The following AHCTF1 variants were observed in gnomAD, a reference collection of about 807,000 sequenced individuals.
AHCTF1 encodes AT-hook containing transcription factor 1.
A neutral mutation model predicts 248.4 loss-of-function variants in AHCTF1; 24 were observed. The observed-to-expected ratio is 0.10, with a 90% CI of 0.07 to 0.14. AHCTF1 has a LOEUF of 0.14. Among genes scored for constraint, AHCTF1 ranks in the 10% least tolerant of loss-of-function variants. The pLI is 1.00. For missense variants in AHCTF1, 2,206 were observed against 2,636.2 expected, an observed-to-expected ratio of 0.84 and a Z score of 3.57; for synonymous variants, 786 against 929.8, an observed-to-expected ratio of 0.85 and a Z score of 2.81.
At chr1:246,915,644 T>G (rs951141606) in intron 3 of AHCTF1, among the ~76,000 whole-genome samples, 1 of 152,254 alleles carries the variant, frequency 6.6e-6, no homozygotes, top group African/African-American at 2.4e-5. Context: ...CCCACTAGAC[T>G]ATAAGCTCTC....
chr1:246,880,046 A>G (rs978905510), intron 21 of AHCTF1, among the ~76,000 whole-genome samples: 1 of 152,068 alleles, frequency 6.6e-6, no homozygotes, highest in Non-Finnish European at 1.5e-5. Context: ...GTGGGAGAGG[A>G]CATATAGGCA....
intron 31 of AHCTF1, among the ~76,000 whole-genome samples, chr1:246,853,799 C>T (rs1302921386): frequency 1.3e-5 from 2 of 149,258 alleles, no homozygotes; most frequent in Non-Finnish European, 2.9e-5. Flanking sequence ...AATAAAAAAG[C>T]ACAAAAATAA....
chr1:246,850,607 T>C lies in AHCTF1; in HGVS notation c.5399A>G (p.Gln1800Arg). The change falls in exon 33 of 36, where the codon CAG becomes CGG. Residue 1800 changes from glutamine (Q) to arginine (R), a missense_variant. Transcript: ENST00000648844. ...CGTAACAGAATTTTGAGGTATTTGCTGGTTCTGAGATAGTCCTCTGACATC... is the reference window on the plus strand; with the variant it reads ...CGTAACAGAATTTTGAGGTATTTGCCGGTTCTGAGATAGTCCTCTGACATC... ...YSDVRGLSQN[Q>R]QIPQNSVTPR... 2 of 1,613,656 alleles carry C rather than the reference T, an allele frequency of 1.2e-6. No homozygotes were observed. Among genetic ancestry groups the C allele is most frequent in the Non-Finnish European group, 1.7e-6 (2 of 1,179,784 alleles).
intron 12 of AHCTF1, 32 bp from the exon 13 acceptor site, chr1:246,895,957 G>A (rs1664543581): frequency 6.4e-7 from 1 of 1,569,970 alleles, no homozygotes; most frequent in Non-Finnish European, 8.7e-7. Context: ...GGAAAGAAAT[G>A]GAAAGAAAGA....
intron 1 of AHCTF1, among the ~76,000 whole-genome samples, chr1:246,928,595 A>G (rs2800215): frequency 0.6 from 91,029 of 151,994 alleles, 29,601 homozygotes; most frequent in African/African-American, 0.87. Context: ...TCAGTATTAA[A>G]CAAAACAAAA....
At chr1:246,868,998 C>CGG (rs1553291754) in intron 24 of AHCTF1, among the ~76,000 whole-genome samples, 5 of 151,244 alleles carry the variant, frequency 3.3e-5, no homozygotes, top group Non-Finnish European at 7.4e-5. Context: ...GCGCCCGCCA[C>CGG]CATGCCTGGC....
intron 31 of AHCTF1, among the ~76,000 whole-genome samples, chr1:246,853,769 T>C (rs2103049573): frequency 6.6e-6 from 1 of 152,258 alleles, no homozygotes; most frequent in South Asian, 2.1e-4. Context: ...TCCTTTAGTG[T>C]TTAACAACAA....
At position 246,893,150 on chromosome 1, in the gene AHCTF1, A is replaced by G. The variant is rs1664336502; in HGVS notation, c.1805-1231T>C. ...AATTGAGTTTAATTTTTTACAAAAC[A>G]TGAGCTCTGACAAACATTTTCCTCT... On this transcript the variant is annotated intron_variant, in intron 14 of 35. Coordinates refer to ENST00000648844, the MANE Select transcript of AHCTF1 (RefSeq NM_001323342.2). 2.6e-5 allele frequency among the ~76,000 whole-genome samples: 4 copies of G among 152,210 alleles called. No homozygotes were observed. In the South Asian group the frequency reaches 8.3e-4, roughly 31 times the overall value.
At chr1:246,928,309 A>AT (rs1667098003) in intron 1 of AHCTF1, among the ~76,000 whole-genome samples, 1 of 151,898 alleles carries the variant, frequency 6.6e-6, no homozygotes. Context: ...TCTCAAAAAA[A>AT]AAAAAAAAAA....
chr1:246,848,479 G>A (rs964175195), intron 33 of AHCTF1, among the ~76,000 whole-genome samples: 4 of 151,858 alleles, frequency 2.6e-5, no homozygotes, highest in Non-Finnish European at 5.9e-5. Flanking sequence ...GGGATTACAG[G>A]CGTGAGCCAC....
intron 23 of AHCTF1, 101 bp downstream of exon 23, chr1:246,876,849 G>C (rs887280899): frequency 7.2e-7 from 1 of 1,389,450 alleles, no homozygotes; most frequent in South Asian, 1.3e-5. Flanking sequence ...GTAATGCTAG[G>C]CACAGTGGTT....
intron 4 of AHCTF1, among the ~76,000 whole-genome samples, chr1:246,912,477 G>A (rs1411349601): frequency 2.0e-5 from 3 of 148,154 alleles, no homozygotes; most frequent in Admixed American, 1.3e-4. Flanking sequence ...GCGAGACGCC[G>A]TCTCCAAAAA....
Position 246,850,865 on chromosome 1 carries a change from G to A in AHCTF1, c.5141C>T (p.Ala1714Val). The part of the protein sequence containing the change: ...IMCPTKLVKS[A>V]FKTAQETSTM... ...GCTTGTTTCCTGAGCAGTCTTAAAT[G>A]CAGATTTGACCAATTTAGTGGGACA... is the stretch of plus-strand genomic sequence containing the variant. The change falls in exon 33 of 36, where the codon GCA becomes GTA. Residue 1714 changes from alanine (A) to valine (V), a missense_variant. Ala to Val is a moderately conservative substitution (Grantham distance 64). Transcript: ENST00000648844. 6.2e-7 allele frequency: 1 copy of A among 1,613,946 alleles called. No homozygotes were observed. The highest frequency in any genetic ancestry group is 8.5e-7 in the Non-Finnish European group (1 of 1,179,868).
intron 24 of AHCTF1, among the ~76,000 whole-genome samples, chr1:246,870,511 T>C (rs908401987): frequency 2.0e-5 from 3 of 152,252 alleles, no homozygotes; most frequent in East Asian, 1.9e-4. Context: ...TTCTTACAGA[T>C]AGGCAAACAA....
intron 7 of AHCTF1, 33 bp downstream of exon 7, chr1:246,903,916 G>T: frequency 7.0e-7 from 1 of 1,428,438 alleles, no homozygotes; most frequent in Non-Finnish European, 9.8e-7. Flanking sequence ...CAACAAAATG[G>T]TAATATAAAC....
intron 24 of AHCTF1, among the ~76,000 whole-genome samples, chr1:246,868,043 C>T (rs900213891): frequency 1.3e-5 from 2 of 151,350 alleles, no homozygotes; most frequent in Non-Finnish European, 2.9e-5. Flanking sequence ...GCTCACTGCA[C>T]CCTCTGCCTC....
intron 24 of AHCTF1, among the ~76,000 whole-genome samples, chr1:246,868,384 G>C (rs374602983): frequency 1.1e-4 from 16 of 146,090 alleles, no homozygotes; most frequent in Admixed American, 3.3e-4. Context: ...GCCTCCCAAA[G>C]TGCTGGGATT....
Position 246,853,132 on chromosome 1 carries a change from G to C in AHCTF1, c.4522C>G (p.Leu1508Val), listed in dbSNP as rs1392654427. The change falls in exon 32 of 36, where the codon CTT (leucine) becomes GTT (valine). Residue 1508 changes from leucine to valine, a missense_variant. Transcript: ENST00000648844. Reference sequence around the variant, plus strand: ...TCAGGAGGGCTGTCAGAAATTGGAAGCTTTTCTTCTGGTAAGTCAACACTT... The same window carrying C: ...TCAGGAGGGCTGTCAGAAATTGGAACCTTTTCTTCTGGTAAGTCAACACTT... ...KESVDLPEEK[L>V]PISDSPPDTQ... The C allele has an allele frequency of 1.9e-6, 3 of 1,609,738 alleles. No individual in the cohort carries two copies. Among genetic ancestry groups the C allele is most frequent in the Non-Finnish European group, 2.5e-6 (3 of 1,178,656 alleles).
chr1:246,888,237 T>G lies in AHCTF1; in HGVS notation c.2269-4A>C. On this transcript the variant is annotated splice_region_variant and splice_polypyrimidine_tract_variant and intron_variant, in intron 18 of 35. Coordinates refer to ENST00000648844, the MANE Select transcript of AHCTF1 (RefSeq NM_001323342.2). ...ATAGGTACATATCAAGTACTGCCTA[T>G]AAAACAAAGGGATAAAACCTTCAGT... 6.2e-7 allele frequency: 1 copy of G among 1,614,094 alleles called. No individual in the cohort carries two copies. Among genetic ancestry groups the G allele is most frequent in the Non-Finnish European group, 8.5e-7 (1 of 1,179,950 alleles).
Sources: gnomAD v4.1 joint callset for allele counts (sites outside exome capture counted in the v4.1 genomes callset) on GRCh38, gnomAD v4.1.1 for gene constraint, MANE v1.5 for transcripts, NCBI Gene and HGNC (gene_info 2026-07-23, HGNC 2026-07-21) for gene names.